Variants in HPD observed in about 807,000 individuals in gnomAD.
The protein encoded by HPD is 4-hydroxyphenylpyruvate dioxygenase.
In HPD, 35 loss-of-function variants were observed where a neutral mutation model predicts 56.9. The observed-to-expected ratio is 0.62, with a 90% CI of 0.47 to 0.82. The LOEUF is 0.82. Among genes scored for constraint, HPD ranks in the 40% least tolerant of loss-of-function variants. HPD has a pLI of 0.00. For synonymous variants in HPD, 186 were observed against 200.2 expected (o/e 0.93, Z 0.60); for missense variants, 442 against 506.8 (o/e 0.87, Z 1.23).
chr12:121,882,689 T>C, the HPD span, among the ~76,000 whole-genome samples: 3 of 152,124 alleles, frequency 2.0e-5, no homozygotes, highest in Non-Finnish European at 2.9e-5. Flanking sequence ...GTGGGACACA[T>C]AATGATTTCC....
At chr12:121,859,579 A>T (rs1203988287), upstream of HPD, among the ~76,000 whole-genome samples, 2 of 152,162 alleles carry the variant, frequency 1.3e-5, no homozygotes, top group African/African-American at 4.8e-5. Context: ...ATTGCCCTCT[A>T]TACAAATGGG....
chr12:121,885,207 A>ATT, the HPD span, among the ~76,000 whole-genome samples: 31 of 129,614 alleles, frequency 2.4e-4, no homozygotes, highest in African/African-American at 7.9e-4. Flanking sequence ...ATATATCTGT[A>ATT]TTTTTTTTTT....
At chr12:121,872,520 C>T in the HPD span, among the ~76,000 whole-genome samples, 8 of 151,928 alleles carry the variant, frequency 5.3e-5, no homozygotes, top group Non-Finnish European at 4.4e-5. Flanking sequence ...CATGAGCCAC[C>T]GTGCCTGGCC....
At chr12:121,857,672 C>T in intron 3 of HPD, 85 bp downstream of exon 3, 1 of 1,217,066 alleles carries the variant, frequency 8.2e-7, no homozygotes. Flanking sequence ...AAGGGCCAAT[C>T]ACAGACCCTG....
intron 9 of HPD, among the ~76,000 whole-genome samples, chr12:121,848,063 C>T (rs1877645373): frequency 6.6e-6 from 1 of 152,116 alleles, no homozygotes; most frequent in Non-Finnish European, 1.5e-5. Flanking sequence ...AAGTAAAGTG[C>T]TTTGAGAAAA....
At chr12:121,847,021 T>A (rs369737267) in intron 10 of HPD, 31 bp downstream of exon 10, 2 of 1,613,746 alleles carry the variant, frequency 1.2e-6, no homozygotes, top group Non-Finnish European at 1.7e-6. Flanking sequence ...TCTTCCCTGC[T>A]CCCCTCTCCC....
the HPD span, among the ~76,000 whole-genome samples, chr12:121,869,545 T>C: frequency 2.1e-5 from 3 of 142,078 alleles, no homozygotes; most frequent in Admixed American, 2.3e-4. Flanking sequence ...AAGTATTTTT[T>C]CCCCATTTTG....
At chr12:121,863,278 C>G (rs766806200), upstream of HPD, among the ~76,000 whole-genome samples, 8 of 152,210 alleles carry the variant, frequency 5.3e-5, no homozygotes, top group Non-Finnish European at 1.0e-4. Flanking sequence ...GCCACTGCGC[C>G]CAGCCAGCTC....
At chr12:121,876,213 A>G in the HPD span, among the ~76,000 whole-genome samples, 1 of 152,160 alleles carries the variant, frequency 6.6e-6, no homozygotes. Flanking sequence ...TGAGAGGCTG[A>G]GGCAGGAGAA....
chr12:121,858,138 C>T (rs1878073267), intron 2 of HPD, among the ~76,000 whole-genome samples: 1 of 152,112 alleles, frequency 6.6e-6, no homozygotes, highest in South Asian at 2.1e-4. Context: ...GATTGGCAGG[C>T]ATTTGAGAAG....
the HPD span, among the ~76,000 whole-genome samples, chr12:121,888,211 T>C: frequency 6.6e-6 from 1 of 152,186 alleles, no homozygotes; most frequent in East Asian, 1.9e-4. Flanking sequence ...TTCAACAGTA[T>C]ATGGCTCATA....
chr12:121,886,409 A>AGTTT, the HPD span, among the ~76,000 whole-genome samples: 1 of 110,414 alleles, frequency 9.1e-6, no homozygotes, highest in Non-Finnish European at 1.7e-5. Context: ...CGCCTGGCCT[A>AGTTT]GTTTTTTTTT....
intron 11 of HPD, among the ~76,000 whole-genome samples, chr12:121,844,874 C>G (rs1026478359): frequency 1.3e-5 from 2 of 150,012 alleles, no homozygotes; most frequent in Non-Finnish European, 3.0e-5. Context: ...GAGCGAGACT[C>G]TGTCTCAAAA....
chr12:121,858,715 T>C lies in HPD; in HGVS notation c.4-2A>G. 2 of 1,614,132 alleles carry C rather than the reference T, an allele frequency of 1.2e-6. No homozygotes were observed. Among genetic ancestry groups the C allele is most frequent in the Non-Finnish European group, 1.7e-6 (2 of 1,179,996 alleles). ...TGCCCCTTTGTCACTGTAAGTCGTC[T>C]AAGGAGAAAAAGAAGGACAGTGAGA... On this transcript the variant is annotated splice_acceptor_variant, in intron 1 of 13. Coordinates refer to ENST00000289004, the MANE Select transcript of HPD (RefSeq NM_002150.3). LOFTEE classifies it high-confidence loss of function.
chr12:121,849,661 C>T (rs976362548), intron 8 of HPD, 26 bp downstream of exon 8: 1 of 1,462,706 alleles, frequency 6.8e-7, no homozygotes, highest in Non-Finnish European at 9.6e-7. Flanking sequence ...GGCTTTCCAC[C>T]CACCTCTGCC....
the HPD span, among the ~76,000 whole-genome samples, chr12:121,876,629 A>C: frequency 9.2e-5 from 14 of 152,234 alleles, no homozygotes; most frequent in South Asian, 8.3e-4. Flanking sequence ...CTCATCATCC[A>C]AAGTCCCCAT....
upstream of HPD, among the ~76,000 whole-genome samples, chr12:121,861,877 A>G (rs1461931625): frequency 6.6e-6 from 1 of 152,164 alleles, no homozygotes; most frequent in East Asian, 1.9e-4. Context: ...CACGAATTCT[A>G]GTTTTCCAAA....
the HPD span, among the ~76,000 whole-genome samples, chr12:121,882,672 C>T: frequency 6.6e-6 from 1 of 152,156 alleles, no homozygotes; most frequent in Non-Finnish European, 1.5e-5. Context: ...AACAGCCCAG[C>T]TGTGGGGTGG....
intron 7 of HPD, among the ~76,000 whole-genome samples, chr12:121,851,299 T>G (rs2137621734): frequency 6.6e-6 from 1 of 152,138 alleles, no homozygotes; most frequent in South Asian, 2.1e-4. Context: ...CAGGCACACT[T>G]TAACCATTTT....
Sources: allele counts gnomAD v4.1 joint callset (sites outside exome capture counted in the v4.1 genomes callset), GRCh38; gene constraint gnomAD v4.1.1; transcripts MANE v1.5; gene names NCBI Gene and HGNC (gene_info 2026-07-23, HGNC 2026-07-21).